The following EIF3H variants were observed in gnomAD, a reference collection of about 807,000 sequenced individuals.
EIF3H encodes the protein eIF-3-gamma.
In EIF3H, 26 loss-of-function variants were observed where a neutral mutation model predicts 44.2. The ratio of observed to expected loss-of-function variants is 0.59; its 90% CI spans 0.43 to 0.82. The LOEUF is 0.82. Among genes scored for constraint, EIF3H ranks in the 40% least tolerant of loss-of-function variants. The probability of loss-of-function intolerance (pLI) is 0.00; values close to 1 mark genes in which losing one functional copy is unlikely to be tolerated. For missense variants in EIF3H, 359 were observed against 432.8 expected, an observed-to-expected ratio of 0.83 and a Z score of 1.51; for synonymous variants, 166 against 151.9, an observed-to-expected ratio of 1.09 and a Z score of -0.68.
intron 2 of EIF3H, among the ~76,000 whole-genome samples, chr8:116,659,417 G>A (rs1398255097): frequency 6.6e-6 from 1 of 152,148 alleles, no homozygotes; most frequent in East Asian, 1.9e-4. Flanking sequence ...TTAGAGCTGA[G>A]AAACTAAAAC....
intron 2 of EIF3H, among the ~76,000 whole-genome samples, chr8:116,710,381 T>G (rs1174676733): frequency 3.9e-5 from 6 of 152,196 alleles, no homozygotes; most frequent in Non-Finnish European, 7.3e-5. Flanking sequence ...TGATCTGTAT[T>G]TTCAGTTAGT....
At chr8:116,671,351 T>A (rs1171992421) in intron 2 of EIF3H, among the ~76,000 whole-genome samples, 1 of 152,140 alleles carries the variant, frequency 6.6e-6, no homozygotes, top group Non-Finnish European at 1.5e-5. Flanking sequence ...GGGAGCTAGG[T>A]TTAATCAGAG....
intron 2 of EIF3H, among the ~76,000 whole-genome samples, chr8:116,701,575 C>T (rs1260756972): frequency 6.6e-6 from 1 of 152,054 alleles, no homozygotes; most frequent in Non-Finnish European, 1.5e-5. Context: ...AACTAAGTAA[C>T]CAAGGTTAAC....
At chr8:116,752,816 G>GA (rs1815381228) in intron 1 of EIF3H, among the ~76,000 whole-genome samples, 1 of 140,170 alleles carries the variant, frequency 7.1e-6, no homozygotes, top group African/African-American at 2.8e-5. Flanking sequence ...AAGGAAGGAA[G>GA]GAAGGAAGGA....
chr8:116,738,447 A>G (rs1815078926), intron 1 of EIF3H, among the ~76,000 whole-genome samples: 1 of 152,216 alleles, frequency 6.6e-6, no homozygotes, highest in African/African-American at 2.4e-5. Flanking sequence ...AACTCTGTGA[A>G]TATCACTGCA....
intron 1 of EIF3H, among the ~76,000 whole-genome samples, chr8:116,733,718 T>C (rs191075013): frequency 8.5e-5 from 13 of 152,134 alleles, no homozygotes; most frequent in Admixed American, 5.2e-4. Context: ...CCAAGAAATG[T>C]CTGAAATATT....
chr8:116,743,800 ACACACACACACAC>A (rs1281901858), intron 1 of EIF3H, among the ~76,000 whole-genome samples: 199 of 42,734 alleles, frequency 4.7e-3, no homozygotes, highest in African/African-American at 0.018. Flanking sequence ...ATATATATAA[ACACACACACACAC>A]ACACACACAC....
chr8:116,702,912 T>C (rs1183711038), intron 2 of EIF3H, among the ~76,000 whole-genome samples: 1 of 152,042 alleles, frequency 6.6e-6, no homozygotes, highest in Admixed American at 6.5e-5. Flanking sequence ...GATCTTGGAA[T>C]AAAACTGTTC....
intron 2 of EIF3H, among the ~76,000 whole-genome samples, chr8:116,673,333 G>A (rs936753762): frequency 2.6e-5 from 4 of 152,062 alleles, no homozygotes; most frequent in Admixed American, 6.5e-5. Flanking sequence ...TTTCAATTAC[G>A]GGGATTTGAT....
chr8:116,761,714 C>G (rs902452658), intron 1 of EIF3H, among the ~76,000 whole-genome samples: 1 of 152,184 alleles, frequency 6.6e-6, no homozygotes, highest in Admixed American at 6.5e-5. Context: ...TGTTTACTGT[C>G]TAGTTTAGAA....
At chr8:116,739,424 GCAGAT>G (rs879508292) in intron 1 of EIF3H, among the ~76,000 whole-genome samples, 2 of 152,246 alleles carry the variant, frequency 1.3e-5, no homozygotes, top group Non-Finnish European at 2.9e-5. Flanking sequence ...GCCGCGGCGG[GCAGAT>G]CACGAGGTCA....
upstream of EIF3H, among the ~76,000 whole-genome samples, chr8:116,759,647 G>A (rs374309813): frequency 1.3e-5 from 2 of 152,074 alleles, no homozygotes; most frequent in African/African-American, 4.8e-5. Flanking sequence ...TATACATTTC[G>A]GGGTTCACCT....
At chr8:116,692,090 C>T (rs562031116) in intron 2 of EIF3H, among the ~76,000 whole-genome samples, 4 of 152,258 alleles carry the variant, frequency 2.6e-5, no homozygotes, top group Non-Finnish European at 5.9e-5. Context: ...ACCAATCTCC[C>T]AAGAAATCCT....
At chr8:116,651,380 GA>G (rs1455994544) in intron 5 of EIF3H, among the ~76,000 whole-genome samples, 1 of 152,156 alleles carries the variant, frequency 6.6e-6, no homozygotes, top group East Asian at 1.9e-4. Flanking sequence ...ACAGAGAAGG[GA>G]AAGACTGAGA....
intron 1 of EIF3H, among the ~76,000 whole-genome samples, chr8:116,764,603 C>G (rs560941556): frequency 6.6e-6 from 1 of 152,324 alleles, no homozygotes; most frequent in South Asian, 2.1e-4. Context: ...AACAAGCACA[C>G]TAAGAGCTTT....
chr8:116,673,522 T>C (rs1158481019), intron 2 of EIF3H, among the ~76,000 whole-genome samples: 2 of 152,224 alleles, frequency 1.3e-5, no homozygotes, highest in Admixed American at 6.5e-5. Context: ...AAAACTGTGA[T>C]ATTTTTGCTC....
intron 2 of EIF3H, among the ~76,000 whole-genome samples, chr8:116,721,113 A>G (rs1009116977): frequency 3.3e-5 from 5 of 152,140 alleles, no homozygotes; most frequent in African/African-American, 1.2e-4. Flanking sequence ...ACAGGCCTAG[A>G]GGCCTAGGAG....
intron 1 of EIF3H, among the ~76,000 whole-genome samples, chr8:116,730,971 T>G (rs1034469715): frequency 6.6e-6 from 1 of 152,262 alleles, no homozygotes; most frequent in African/African-American, 2.4e-5. Flanking sequence ...AAGTGAGATC[T>G]GACTTCTGAG....
chr8:116,648,478 C>T (rs1361718198), intron 6 of EIF3H, among the ~76,000 whole-genome samples: 1 of 152,136 alleles, frequency 6.6e-6, no homozygotes, highest in Non-Finnish European at 1.5e-5. Context: ...GAGCCACTGC[C>T]AAACCAATTA....
Sources: allele counts gnomAD v4.1 joint callset (sites outside exome capture counted in the v4.1 genomes callset), GRCh38; gene constraint gnomAD v4.1.1; transcripts MANE v1.5; gene names NCBI Gene and HGNC (gene_info 2026-07-23, HGNC 2026-07-21).